The following STX5 variants were observed in gnomAD, a reference collection of about 807,000 sequenced individuals.
The protein encoded by STX5 is syntaxin 5.
In STX5, 15 loss-of-function variants were observed where a neutral mutation model predicts 42.9. The observed-to-expected ratio is 0.35, with a 90% CI of 0.23 to 0.54. The LOEUF is 0.54. Ranked by LOEUF, STX5 falls within the 20% of genes least tolerant of loss-of-function variation. STX5 has a pLI of 0.91. For synonymous variants in STX5, 184 were observed against 173.2 expected (o/e 1.06, Z -0.49); for missense variants, 430 against 455.0 (o/e 0.95, Z 0.50).
At chr11:62,825,873 T>C (rs146300160) in intron 5 of STX5, among the ~76,000 whole-genome samples, 2 of 152,308 alleles carry the variant, frequency 1.3e-5, no homozygotes, top group Non-Finnish European at 2.9e-5. Flanking sequence ...ATCTCGGGTC[T>C]AGGGCATGAC....
chr11:62,825,768 T>C (rs2084789073), intron 5 of STX5, among the ~76,000 whole-genome samples: 1 of 152,126 alleles, frequency 6.6e-6, no homozygotes, highest in Non-Finnish European at 1.5e-5. Context: ...TAGGCCTTCA[T>C]CCATTGTAAA....
chr11:62,814,317 C>G (rs980050393), intron 10 of STX5, among the ~76,000 whole-genome samples: 6 of 152,124 alleles, frequency 3.9e-5, no homozygotes, highest in Non-Finnish European at 8.8e-5. Context: ...AGGCATGCAC[C>G]ACCACGCCCT....
At chr11:62,831,514 C>G (rs2084863841) in intron 1 of STX5, among the ~76,000 whole-genome samples, 1 of 152,148 alleles carries the variant, frequency 6.6e-6, no homozygotes. Flanking sequence ...GACCCTGAAG[C>G]AGAGACAGGG....
At chr11:62,820,803 C>T (rs1358765189) in intron 10 of STX5, among the ~76,000 whole-genome samples, 1 of 152,004 alleles carries the variant, frequency 6.6e-6, no homozygotes, top group African/African-American at 2.4e-5. Flanking sequence ...AGCCACTGCA[C>T]CCGGCACTAT....
rs745571488 is a variant in STX5, at chr11:62,831,127, G to A, written c.117C>T (p.Ala39=). ...ATAGSSSSDI[A]PLPPPVTLVP... ...CGAGGGTCACTGGGGGGGGCAGAGG[G>A]GCGATGTCGCTGCTGCTACTGCCAG... The change falls in exon 2 of 11, where the codon GCC becomes GCT. Residue 39 remains alanine (A), a synonymous_variant. Coordinates refer to ENST00000294179, the MANE Select transcript of STX5 (RefSeq NM_003164.5). 1.5e-5 allele frequency: 23 copies of A among 1,555,464 alleles called. No individual in the cohort carries two copies. Among genetic ancestry groups the A allele is most frequent in the Non-Finnish European group, 1.9e-5 (22 of 1,149,528 alleles).
intron 2 of STX5, among the ~76,000 whole-genome samples, chr11:62,829,035 C>G (rs1033696070): frequency 1.8e-4 from 27 of 151,780 alleles, no homozygotes; most frequent in African/African-American, 6.3e-4. Context: ...TGCACTCCAG[C>G]CTGGCAACAA....
intron 10 of STX5, among the ~76,000 whole-genome samples, chr11:62,818,772 A>C (rs891019744): frequency 2.0e-5 from 3 of 151,168 alleles, no homozygotes; most frequent in Admixed American, 1.3e-4. Flanking sequence ...CTGAGGTGGG[A>C]GGTCAAGGCT....
Position 62,831,282 on chromosome 11 carries a change from G to A in STX5, c.-19-20C>T. The A allele has an allele frequency of 6.7e-7, 1 of 1,502,466 alleles. No homozygotes were observed. The highest frequency in any genetic ancestry group is 2.4e-5 in the East Asian group (1 of 40,888). 93.1% of individuals were successfully genotyped at this position (1,502,466 alleles called of 1,614,324 possible). On this transcript the variant is annotated intron_variant, in intron 1 of 10. Transcript: ENST00000294179. ...CTCGGACTGTTGTGGAGGGGAGAGTGTCATTCCCCAGGCAACTTCTTTACC... is the reference window on the plus strand; with the variant it reads ...CTCGGACTGTTGTGGAGGGGAGAGTATCATTCCCCAGGCAACTTCTTTACC...
chr11:62,808,433 GA>G (rs57347651), intron 10 of STX5, among the ~76,000 whole-genome samples: 4,726 of 121,342 alleles, frequency 0.039, 136 homozygotes, highest in African/African-American at 0.088. Flanking sequence ...GCCTCAGGGG[GA>G]AAAAAAAAAA....
intron 2 of STX5, among the ~76,000 whole-genome samples, chr11:62,828,946 C>T (rs1590976694): frequency 6.6e-6 from 1 of 152,030 alleles, no homozygotes; most frequent in Middle Eastern, 3.4e-3. Context: ...CGCCTGTATT[C>T]CCAGCTACTT....
At position 62,807,633 on chromosome 11, in the gene STX5, G is replaced by A. The variant is rs772788682; in HGVS notation, c.909-5C>T. On this transcript the variant is annotated splice_polypyrimidine_tract_variant and splice_region_variant and intron_variant, in intron 10 of 10. Coordinates refer to ENST00000294179, the MANE Select transcript of STX5 (RefSeq NM_003164.5). ...CCTAGCACGTTCTCGTCGATCCTGGGGACAAGGCCGGGAGAAGAGGAAACA... is the reference window on the plus strand; with the variant it reads ...CCTAGCACGTTCTCGTCGATCCTGGAGACAAGGCCGGGAGAAGAGGAAACA... The A allele has an allele frequency of 7.4e-6, 12 of 1,613,822 alleles. No homozygotes were observed. Among genetic ancestry groups the A allele is most frequent in the Non-Finnish European group, 5.9e-6 (7 of 1,179,988 alleles).
rs746774052 is a variant in STX5, at chr11:62,827,166, T to C, written c.412A>G (p.Ile138Val). 1.2e-6 allele frequency: 2 copies of C among 1,614,068 alleles called. No homozygotes were observed. The highest frequency in any genetic ancestry group is 1.7e-6 in the Non-Finnish European group (2 of 1,179,944). The change falls in exon 5 of 11, where the codon ATC becomes GTC. Residue 138 changes from isoleucine (I) to valine (V), a missense_variant. Transcript: ENST00000294179. ...KAVEIEELTY[I>V]IKQDINSLNK... ...GGCTAGTAGCTCACCTGTTTGATGA[T>C]ATATGTTAGCTCTTCAATTTCCACT...
intron 1 of STX5, 46 bp from the exon 2 acceptor site, chr11:62,831,308 CAA>C: frequency 7.5e-7 from 1 of 1,341,228 alleles, no homozygotes; most frequent in Non-Finnish European, 1.0e-6. Context: ...CTTCTTTACC[CAA>C]ACTCCCCCGC....
intron 10 of STX5, among the ~76,000 whole-genome samples, chr11:62,822,188 C>A (rs1253597483): frequency 6.6e-6 from 1 of 151,810 alleles, no homozygotes; most frequent in African/African-American, 2.4e-5. Flanking sequence ...TGTGGCAAAA[C>A]TCTGTCTCTA....
Position 62,827,161 on chromosome 11 carries a change from G to T in STX5, c.417C>A (p.Ile139=). The T allele has an allele frequency of 1.9e-6, 3 of 1,613,928 alleles. No individual in the cohort carries two copies. Among genetic ancestry groups the T allele is most frequent in the Non-Finnish European group, 2.5e-6 (3 of 1,179,874 alleles). ...AVEIEELTYI[I]KQDINSLNKQ... is the part of the protein sequence containing the mutation. ...CTGATGGCTAGTAGCTCACCTGTTT[G>T]ATGATATATGTTAGCTCTTCAATTT... is the stretch of plus-strand genomic sequence containing the variant. The change falls in exon 5 of 11, where the codon ATC becomes ATA. Residue 139 remains isoleucine (I), a synonymous_variant. Transcript: ENST00000294179.
At position 62,827,401 on chromosome 11, in the gene STX5, G is replaced by A. The variant is rs2084808163; in HGVS notation, c.297-3C>T. 1.2e-6 allele frequency: 2 copies of A among 1,614,058 alleles called. No individual in the cohort carries two copies. The highest frequency in any genetic ancestry group is 2.7e-5 in the African/African-American group (2 of 74,928). On this transcript the variant is annotated splice_polypyrimidine_tract_variant and splice_region_variant and intron_variant, in intron 3 of 10. Transcript: ENST00000294179. ...TGCTAAGGTCTTTCCCAATGCGCCT[G>A]CAAATGACCACTAGTCAGACTGTGG... is the stretch of plus-strand genomic sequence containing the variant.
chr11:62,831,856 C>T (rs1425183004), intron 1 of STX5, 98 bp downstream of exon 1: 1 of 454,916 alleles, frequency 2.2e-6, no homozygotes, highest in African/African-American at 2.0e-5. Context: ...CTTGCCCGCT[C>T]GCCCCTGATT....
At chr11:62,831,867 C>T (rs1163191616) in intron 1 of STX5, 87 bp downstream of exon 1, 4 of 456,212 alleles carry the variant, frequency 8.8e-6, no homozygotes, top group Middle Eastern at 6.5e-4. Context: ...GCCCCTGATT[C>T]CCTTCCCCCC....
intron 10 of STX5, among the ~76,000 whole-genome samples, chr11:62,811,124 A>G (rs1590962166): frequency 1.3e-5 from 2 of 151,282 alleles, no homozygotes; most frequent in South Asian, 2.1e-4. Context: ...TCCCTTCTCT[A>G]CATACCCCCT....
Sources: gnomAD v4.1 joint callset for allele counts (sites outside exome capture counted in the v4.1 genomes callset) on GRCh38, gnomAD v4.1.1 for gene constraint, MANE v1.5 for transcripts, NCBI Gene and HGNC (gene_info 2026-07-23, HGNC 2026-07-21) for gene names.